Variants in CACNA1B observed in about 807,000 individuals in gnomAD.
CACNA1B encodes calcium voltage-gated channel subunit alpha1 B, also known as voltage-dependent N-type calcium channel subunit alpha-1B.
CACNA1B carries 70 observed loss-of-function variants against 247.2 expected under a neutral mutation model. The observed-to-expected ratio is 0.28, with a 90% CI of 0.23 to 0.35. The LOEUF (loss-of-function observed/expected upper bound fraction) is 0.35, where lower values mean the gene tolerates loss of function less well. CACNA1B is among the 10% of genes least tolerant of loss of function. The probability of loss-of-function intolerance (pLI) is 1.00; values close to 1 mark genes in which losing one functional copy is unlikely to be tolerated. For missense variants in CACNA1B, 2,367 were observed against 3,197.4 expected, an observed-to-expected ratio of 0.74 and a Z score of 6.26; for synonymous variants, 1,231 against 1,294.4, an observed-to-expected ratio of 0.95 and a Z score of 1.05.
Position 137,971,247 on chromosome 9 carries a change from G to A in CACNA1B, c.1334-136G>A, listed in dbSNP as rs532450676. On this transcript the variant is annotated intron_variant, in intron 10 of 46. Coordinates refer to ENST00000371372, the MANE Select transcript of CACNA1B (RefSeq NM_000718.4). This position sits in a 1 kb window ranked among gnomAD's most constrained non-coding sequence, Gnocchi z 4.4. ...TCAGCTGTGAAGTGGAGGTCACAGGGGTCACTGGCACAATTGTCTGTGACC... is the reference window on the plus strand; with the variant it reads ...TCAGCTGTGAAGTGGAGGTCACAGGAGTCACTGGCACAATTGTCTGTGACC... 4.6e-4 allele frequency: 302 copies of A among 653,738 alleles called. No individual in the cohort carries two copies. Among genetic ancestry groups the A allele is most frequent in the Non-Finnish European group, 6.9e-4 (253 of 366,004 alleles). The allele number at this position is 653,738 out of a possible 1,614,324, so 40.5% of individuals were successfully genotyped here.
At chr9:138,080,145 C>T (rs1437587554) in intron 36 of CACNA1B, among the ~76,000 whole-genome samples, 1 of 152,172 alleles carries the variant, frequency 6.6e-6, no homozygotes, top group Non-Finnish European at 1.5e-5. Flanking sequence ...CTCCTCAGTA[C>T]AAGGGTAGAA....
chr9:138,065,555 T>G (rs1387975504), intron 31 of CACNA1B, among the ~76,000 whole-genome samples: 1 of 152,170 alleles, frequency 6.6e-6, no homozygotes, highest in Non-Finnish European at 1.5e-5. Context: ...CTCCTCTGCG[T>G]GGCAGAGCCT....
At chr9:137,943,077 A>G (rs1957751949) in intron 6 of CACNA1B, among the ~76,000 whole-genome samples, 1 of 150,054 alleles carries the variant, frequency 6.7e-6, no homozygotes, top group Non-Finnish European at 1.5e-5. Context: ...TGAGTTTCAA[A>G]CTTTTGTAAA....
intron 20 of CACNA1B, among the ~76,000 whole-genome samples, chr9:138,029,425 ATTG>A (rs1406142855): frequency 1.3e-5 from 2 of 152,126 alleles, no homozygotes; most frequent in Non-Finnish European, 2.9e-5. Context: ...CTGCTTAAAC[ATTG>A]TTGCCTCTTG....
At chr9:138,060,688 C>A (rs1474147736) in intron 31 of CACNA1B, among the ~76,000 whole-genome samples, 1 of 152,236 alleles carries the variant, frequency 6.6e-6, no homozygotes, top group South Asian at 2.1e-4. Flanking sequence ...GCTGAAGGGA[C>A]GTCTGACACC....
intron 13 of CACNA1B, 97 bp downstream of exon 13, chr9:137,984,347 C>A: frequency 1.2e-6 from 1 of 828,212 alleles, no homozygotes; most frequent in South Asian, 1.5e-5. Flanking sequence ...TCACAGCACC[C>A]AGAAGCTCTC....
At chr9:138,117,274 C>T (rs1024952831) in intron 42 of CACNA1B, among the ~76,000 whole-genome samples, 1 of 68,264 alleles carries the variant, frequency 1.5e-5, no homozygotes, top group Non-Finnish European at 2.9e-5. Context: ...TGGAAGGGCT[C>T]ATTGTGGCTT....
chr9:137,948,539 T>C (rs1008941521), intron 6 of CACNA1B, among the ~76,000 whole-genome samples: 3 of 152,152 alleles, frequency 2.0e-5, no homozygotes, highest in Non-Finnish European at 2.9e-5. Flanking sequence ...TTTGGTTCTG[T>C]AATCCAAAAA....
intron 15 of CACNA1B, among the ~76,000 whole-genome samples, chr9:137,996,427 T>G (rs1368630771): frequency 6.6e-6 from 1 of 152,098 alleles, no homozygotes; most frequent in Non-Finnish European, 1.5e-5. Context: ...ACCCAAACAT[T>G]GTGTGTTCTC....
chr9:137,923,216 C>T (rs1348143502), intron 6 of CACNA1B, among the ~76,000 whole-genome samples: 11 of 149,504 alleles, frequency 7.4e-5, no homozygotes, highest in African/African-American at 2.0e-4. Context: ...GGTGGTATTC[C>T]GTGGTGCCAG....
intron 31 of CACNA1B, chr9:138,068,579 A>G (rs1292109034): frequency 3.9e-6 from 2 of 518,640 alleles, no homozygotes; most frequent in East Asian, 5.4e-5. Context: ...GGTGGGCTGC[A>G]TTGCTGATTC....
chr9:138,022,805 TGGGG>T lies in CACNA1B; in HGVS notation c.2268-197_2268-194del, dbSNP rs71387879. ...ACCTTGCGGGTCCTGTGGGACACCG[TGGGG>T]GGGGGGGGCGGCGGGGCTGAATTCG... On this transcript the variant is annotated intron_variant, in intron 18 of 46. Transcript: ENST00000371372. 0.069 allele frequency among the ~76,000 whole-genome samples: 9,093 copies of T among 132,048 alleles called. 484 individuals are homozygous for T. The highest frequency in any genetic ancestry group is 0.15 in the African/African-American group (5,891 of 39,876). 86.6% of individuals were successfully genotyped at this position (132,048 alleles called of 152,430 possible).
rs759517383 is a variant in CACNA1B at position 137,886,661 on chromosome 9, G to A, written c.530+3778G>A. 2.6e-3 allele frequency among the ~76,000 whole-genome samples: 393 copies of A among 151,294 alleles called. 2 individuals are homozygous for A. The highest frequency in any genetic ancestry group is 4.2e-3 in the Non-Finnish European group (282 of 67,846). ...TGGTGTGGTGCACAGCGGCATAGGC[G>A]TGCCCCAGAGAGCAGTCGGCGGGTG... On this transcript the variant is annotated intron_variant, in intron 3 of 46. Transcript: ENST00000371372.
intron 37 of CACNA1B, among the ~76,000 whole-genome samples, chr9:138,098,089 GA>G (rs1454228835): frequency 1.3e-5 from 2 of 152,230 alleles, no homozygotes; most frequent in Non-Finnish European, 2.9e-5. Flanking sequence ...ATTTGAGTCG[GA>G]AATATACAGT....
At chr9:138,101,375 A>G (rs1961245410) in intron 37 of CACNA1B, among the ~76,000 whole-genome samples, 1 of 152,154 alleles carries the variant, frequency 6.6e-6, no homozygotes, top group Admixed American at 6.5e-5. Context: ...TGACCCTTCT[A>G]GCTGGCTGGG....
At chr9:138,071,955 T>C (rs1960148623) in intron 32 of CACNA1B, among the ~76,000 whole-genome samples, 1 of 151,990 alleles carries the variant, frequency 6.6e-6, no homozygotes. Flanking sequence ...ACTGCGGCCC[T>C]CCACCCCTGC....
chr9:138,069,052 G>A (rs938111599), intron 31 of CACNA1B, among the ~76,000 whole-genome samples: 4 of 152,244 alleles, frequency 2.6e-5, no homozygotes, highest in Non-Finnish European at 5.9e-5. Flanking sequence ...AGAGCTGCTG[G>A]TTGGAAAGCT....
Position 138,121,130 on chromosome 9 carries a change from G to A in CACNA1B, c.6489+249G>A, listed in dbSNP as rs1962079104. Among the ~76,000 whole-genome samples the A allele has an allele frequency of 6.6e-6, 1 of 152,040 alleles. No individual in the cohort carries two copies. The highest frequency in any genetic ancestry group is 1.5e-5 in the Non-Finnish European group (1 of 67,980). ...GTGGTTCTGCGTCCTATCCACTTTCGGACCTGGGCCCCCAAATACTTACCT... is the reference window on the plus strand; with the variant it reads ...GTGGTTCTGCGTCCTATCCACTTTCAGACCTGGGCCCCCAAATACTTACCT... On this transcript the variant is annotated intron_variant, in intron 46 of 46. Transcript: ENST00000371372. The surrounding 1 kb of genome is among the most constrained non-coding windows in gnomAD (Gnocchi z 6.8).
chr9:138,058,717 T>G lies in CACNA1B; in HGVS notation c.4457T>G (p.Val1486Gly), dbSNP rs1959605535. The change falls in exon 29 of 47, where the codon GTG (valine) becomes GGG (glycine). Residue 1486 changes from valine (V) to glycine (G), a missense_variant. Coordinates refer to ENST00000371372, the MANE Select transcript of CACNA1B (RefSeq NM_000718.4). This position sits in a 1 kb window ranked among gnomAD's most constrained non-coding sequence, Gnocchi z 4.7. ...FIMAMIALNT[V>G]VLMMKFYDAP... is the part of the protein sequence containing the mutation. The stretch of plus-strand genomic sequence containing the variant: ...ATGGCCATGATAGCCCTCAACACTG[T>G]GGTGCTGATGATGAAGGTGTGTGGG... 1.4e-5 allele frequency: 22 copies of G among 1,606,748 alleles called. No individual in the cohort carries two copies. Among genetic ancestry groups the G allele is most frequent in the Non-Finnish European group, 1.9e-5 (22 of 1,176,524 alleles).
Sources: allele counts gnomAD v4.1 joint callset (sites outside exome capture counted in the v4.1 genomes callset), GRCh38; gene constraint gnomAD v4.1.1; non-coding constraint Gnocchi (gnomAD v3.1); transcripts MANE v1.5; gene names NCBI Gene and HGNC (gene_info 2026-07-23, HGNC 2026-07-21).